The following CNTN1 variants were observed in gnomAD, a reference collection of about 807,000 sequenced individuals.
CNTN1 encodes contactin-1.
Under a neutral mutation model 126.4 loss-of-function variants are expected in CNTN1, and 38 were observed. That is an observed-to-expected ratio of 0.30 (90% CI 0.23 to 0.39). The LOEUF (loss-of-function observed/expected upper bound fraction) is 0.39. CNTN1 is among the 10% of genes least tolerant of loss of function. The pLI is 1.00. For missense variants in CNTN1, 1,009 were observed against 1,248.4 expected, an observed-to-expected ratio of 0.81 and a Z score of 2.89; for synonymous variants, 413 against 422.6, an observed-to-expected ratio of 0.98 and a Z score of 0.28.
chr12:41,044,363 G>A (rs1165392562), intron 23 of CNTN1, among the ~76,000 whole-genome samples: 1 of 151,766 alleles, frequency 6.6e-6, no homozygotes, highest in Non-Finnish European at 1.5e-5. Context: ...AAGAATTCTG[G>A]TGCAAACAAA....
chr12:40,705,220 G>A (rs1054788760), intron 1 of CNTN1, among the ~76,000 whole-genome samples: 1 of 152,066 alleles, frequency 6.6e-6, no homozygotes, highest in Non-Finnish European at 1.5e-5. Context: ...GTTTCATTAG[G>A]GAATTAAAAT....
chr12:40,912,202 T>G (rs965072196), intron 3 of CNTN1, among the ~76,000 whole-genome samples: 1 of 138,570 alleles, frequency 7.2e-6, no homozygotes, highest in Admixed American at 7.4e-5. Context: ...CTCAATGTCT[T>G]TAAGAATATT....
chr12:41,026,370 G>T (rs929543487), intron 21 of CNTN1, among the ~76,000 whole-genome samples: 4 of 152,182 alleles, frequency 2.6e-5, no homozygotes, highest in African/African-American at 9.7e-5. Flanking sequence ...TGGGATTAAA[G>T]CAGCTGACAG....
At chr12:40,822,148 C>CTTTTTGTTTTTTTTTTTT (rs1941460200) in intron 1 of CNTN1, among the ~76,000 whole-genome samples, 1 of 47,236 alleles carries the variant, frequency 2.1e-5, no homozygotes, top group Admixed American at 3.0e-4. Context: ...AAATATAAAT[C>CTTTTTGTTTTTTTTTTTT]TTTTTTTTTT....
chr12:40,728,327 C>T (rs1038666527), intron 1 of CNTN1, among the ~76,000 whole-genome samples: 17 of 152,174 alleles, frequency 1.1e-4, no homozygotes, highest in African/African-American at 3.6e-4. Context: ...GTATCCTAAG[C>T]GTGTGGTTTC....
rs555289002 is a variant in CNTN1, at chr12:40,884,536, T to C, written c.-76-23821T>C. Among the ~76,000 whole-genome samples, 3 of 151,620 alleles carry C rather than the reference T, an allele frequency of 2.0e-5. No homozygotes were observed. In the East Asian group the frequency reaches 5.8e-4, roughly 29 times the overall value. On this transcript the variant is annotated intron_variant, in intron 1 of 23. Coordinates refer to ENST00000551295, the MANE Select transcript of CNTN1 (RefSeq NM_001843.4). ...TGATGCATATTACTAAATTATTTCC[T>C]GAAAATGTTGTCTTAGTTACTACTT... is the stretch of plus-strand genomic sequence containing the variant.
Position 40,910,110 on chromosome 12 carries a change from G to A in CNTN1, c.94+5G>A. ...ATAGAAGATATGGTCATGGAGGTAA[G>A]TTGACCAAAGAGTAGACCTTGTAAA... On this transcript the variant is annotated splice_donor_5th_base_variant and intron_variant, in intron 3 of 23. Coordinates refer to ENST00000551295, the MANE Select transcript of CNTN1 (RefSeq NM_001843.4). The A allele has an allele frequency of 6.2e-7, 1 of 1,601,702 alleles. No homozygotes were observed. Among genetic ancestry groups the A allele is most frequent in the Non-Finnish European group, 8.5e-7 (1 of 1,169,732 alleles).
chr12:40,777,239 G>GT (rs537481140), intron 1 of CNTN1, among the ~76,000 whole-genome samples: 21,065 of 144,296 alleles, frequency 0.15, 1,637 homozygotes, highest in South Asian at 0.23. Flanking sequence ...TAATTACTAT[G>GT]TTTTTTTTTT....
chr12:40,864,019 CT>C (rs71434336), intron 1 of CNTN1, among the ~76,000 whole-genome samples: 7,663 of 92,518 alleles, frequency 0.083, 350 homozygotes, highest in Admixed American at 0.16. Flanking sequence ...CTCTGCTTTC[CT>C]TTTTTTTTTT....
At chr12:40,700,568 T>G (rs1324656627) in intron 1 of CNTN1, among the ~76,000 whole-genome samples, 2 of 152,112 alleles carry the variant, frequency 1.3e-5, no homozygotes, top group Non-Finnish European at 2.9e-5. Context: ...TTTTCTTTGT[T>G]TAGTAGACAA....
chr12:40,944,675 C>A (rs1484465570), intron 14 of CNTN1, among the ~76,000 whole-genome samples: 3 of 118,604 alleles, frequency 2.5e-5, no homozygotes, highest in Non-Finnish European at 5.6e-5. Context: ...GTGTTACATT[C>A]TACAAGTCCT....
rs1948133284 is a variant in CNTN1 at position 40,993,172 on chromosome 12, C to G, written c.2016C>G (p.Ile672Met). ...AGGCAGCAAGAGCAGTGGACTTAAT[C>G]CCATGGATGGAGTATGAATTCCGCG... Reference protein sequence around the residue: ...NMEAARAVDLIPWMEYEFRVV... With the variant: ...NMEAARAVDLMPWMEYEFRVV... Residue 672 changes from isoleucine (I) to methionine (M), a missense_variant, in exon 17 of 24, where the codon ATC becomes ATG. Ile to Met is a conservative substitution (Grantham distance 10, BLOSUM62 1). Coordinates refer to ENST00000551295, the MANE Select transcript of CNTN1 (RefSeq NM_001843.4). 2 of 1,613,552 alleles carry G rather than the reference C, an allele frequency of 1.2e-6. No homozygotes were observed. The highest frequency in any genetic ancestry group is 1.7e-6 in the Non-Finnish European group (2 of 1,179,612).
chr12:41,028,988 A>T, intron 22 of CNTN1, 75 bp from the exon 23 acceptor site: 1 of 1,391,142 alleles, frequency 7.2e-7, no homozygotes, highest in Non-Finnish European at 1.0e-6. Context: ...AAGCATTTTT[A>T]TTCTGGTTTT....
At chr12:40,985,953 AT>A (rs1472304936) in intron 16 of CNTN1, among the ~76,000 whole-genome samples, 1 of 152,100 alleles carries the variant, frequency 6.6e-6, no homozygotes, top group Non-Finnish European at 1.5e-5. Flanking sequence ...TCTTGCTTAC[AT>A]AGATAATTTA....
chr12:40,963,403 T>C (rs955997416), intron 15 of CNTN1, among the ~76,000 whole-genome samples: 32 of 152,148 alleles, frequency 2.1e-4, no homozygotes, highest in African/African-American at 7.7e-4. Context: ...TTCCAAATAA[T>C]ATTGTTGGTG....
At chr12:40,866,091 T>A (rs911158073) in intron 1 of CNTN1, among the ~76,000 whole-genome samples, 2 of 149,812 alleles carry the variant, frequency 1.3e-5, no homozygotes, top group Non-Finnish European at 3.0e-5. Context: ...TAAATTTAAT[T>A]ATTTTTAAAT....
chr12:40,895,931 T>C (rs1272855309), intron 1 of CNTN1: 2 of 151,634 alleles, frequency 1.3e-5, no homozygotes, highest in African/African-American at 4.9e-5. Flanking sequence ...CTAATTTTTT[T>C]TTTTTTGTAT....
chr12:40,855,697 CAAAAG>C (rs1371211887), intron 1 of CNTN1, among the ~76,000 whole-genome samples: 1 of 151,940 alleles, frequency 6.6e-6, no homozygotes, highest in Non-Finnish European at 1.5e-5. Flanking sequence ...TTGTTACTGA[CAAAAG>C]AAGTACAACT....
chr12:40,927,561 C>T (rs1945738890), intron 6 of CNTN1, among the ~76,000 whole-genome samples: 1 of 152,048 alleles, frequency 6.6e-6, no homozygotes, highest in Non-Finnish European at 1.5e-5. Context: ...AGAGCCATTC[C>T]TACCTTTGTT....
Sources: gnomAD v4.1 joint callset for allele counts (sites outside exome capture counted in the v4.1 genomes callset) on GRCh38, gnomAD v4.1.1 for gene constraint, MANE v1.5 for transcripts, NCBI Gene and HGNC (gene_info 2026-07-23, HGNC 2026-07-21) for gene names.